NUP210L: variants seen among roughly 807,000 people sequenced by gnomAD.
NUP210L encodes nuclear pore membrane glycoprotein 210-like.
Under a neutral mutation model 208.5 loss-of-function variants are expected in NUP210L, and 74 were observed. That is an observed-to-expected ratio of 0.35 (90% CI 0.29 to 0.43). The LOEUF (loss-of-function observed/expected upper bound fraction) is 0.43. Among genes scored for constraint, NUP210L ranks in the 20% least tolerant of loss-of-function variants. NUP210L has a pLI of 1.00. For missense variants in NUP210L, 1,843 were observed against 2,289.4 expected, an observed-to-expected ratio of 0.81 and a Z score of 3.98; for synonymous variants, 780 against 816.9, an observed-to-expected ratio of 0.95 and a Z score of 0.77.
At chr1:154,118,107 C>T (rs1285244527) in intron 11 of NUP210L, among the ~76,000 whole-genome samples, 1 of 152,036 alleles carries the variant, frequency 6.6e-6, no homozygotes, top group East Asian at 1.9e-4. Flanking sequence ...GTCAGAAGTT[C>T]GAGACCAGCC....
At position 154,104,002 on chromosome 1, in the gene NUP210L, C is replaced by T. The variant is rs113643272; in HGVS notation, c.1819+10G>A. 1.5e-4 allele frequency: 236 copies of T among 1,595,622 alleles called. No individual in the cohort carries two copies. The African/African-American group carries it at 2.3e-3, about 16-fold the overall frequency. On this transcript the variant is annotated intron_variant, in intron 13 of 39. Transcript: ENST00000368559. Reference sequence around the variant, plus strand: ...ACAAAGGAAGGAGAAGATAAAAAGGCTACTTTTACCTTCTTTGAGAAGAGT... The same window carrying T: ...ACAAAGGAAGGAGAAGATAAAAAGGTTACTTTTACCTTCTTTGAGAAGAGT...
chr1:153,995,271 A>G (rs967118848), intron 37 of NUP210L, 91 bp from the exon 38 acceptor site: 9 of 891,192 alleles, frequency 1.0e-5, no homozygotes, highest in Non-Finnish European at 1.4e-5. Context: ...TTTGAGACAG[A>G]GTTTTACTCT....
intron 16 of NUP210L, among the ~76,000 whole-genome samples, chr1:154,088,410 G>A (rs1655735585): frequency 6.6e-6 from 1 of 151,746 alleles, no homozygotes; most frequent in South Asian, 2.1e-4. Context: ...CTCTCAAATA[G>A]TTCAGGGAAA....
chr1:154,110,246 AG>A (rs1218294513), intron 12 of NUP210L, among the ~76,000 whole-genome samples: 1 of 149,912 alleles, frequency 6.7e-6, no homozygotes, highest in Non-Finnish European at 1.5e-5. Flanking sequence ...AAAAAAAAAA[AG>A]GTAGAAAAAC....
intron 5 of NUP210L, among the ~76,000 whole-genome samples, chr1:154,138,866 A>C (rs1658691322): frequency 6.6e-6 from 1 of 152,262 alleles, no homozygotes; most frequent in Admixed American, 6.5e-5. Context: ...CAAGCTGCTA[A>C]TATATACTAT....
intron 2 of NUP210L, among the ~76,000 whole-genome samples, chr1:154,149,782 G>A (rs1659296048): frequency 6.6e-6 from 1 of 152,136 alleles, no homozygotes; most frequent in South Asian, 2.1e-4. Context: ...ATGATTAGGA[G>A]AAATATCAAA....
chr1:154,154,624 T>C (rs4400599), intron 1 of NUP210L, among the ~76,000 whole-genome samples: 95,733 of 151,882 alleles, frequency 0.63, 31,553 homozygotes, highest in East Asian at 0.89. Context: ...TCTGGAAGAT[T>C]GTCACACAGC....
At chr1:154,034,152 T>C (rs1356920988) in intron 27 of NUP210L, among the ~76,000 whole-genome samples, 1 of 152,166 alleles carries the variant, frequency 6.6e-6, no homozygotes, top group Non-Finnish European at 1.5e-5. Context: ...CTTTTTTTGA[T>C]AGGTCTTTGC....
At chr1:154,108,277 C>A (rs1291895468) in intron 12 of NUP210L, among the ~76,000 whole-genome samples, 1 of 152,152 alleles carries the variant, frequency 6.6e-6, no homozygotes, top group Non-Finnish European at 1.5e-5. Context: ...CCTGCCTCAG[C>A]CTCATGAGTA....
exon 17 of NUP210L, chr1:154,070,331 A>G (rs762336742): frequency 2.5e-6 from 4 of 1,613,070 alleles, no homozygotes; most frequent in Non-Finnish European, 3.4e-6. Flanking sequence ...CTGATTTATA[A>G]TCTTCGAAAT....
At chr1:154,136,069 A>G in intron 6 of NUP210L, 97 bp from the exon 7 acceptor site, 1 of 837,820 alleles carries the variant, frequency 1.2e-6, no homozygotes, top group Non-Finnish European at 1.9e-6. Flanking sequence ...GGAAGCAGAC[A>G]TAAAATAAGA....
intron 25 of NUP210L, among the ~76,000 whole-genome samples, chr1:154,052,426 C>A (rs1423629502): frequency 6.6e-6 from 1 of 152,116 alleles, no homozygotes; most frequent in African/African-American, 2.4e-5. Flanking sequence ...AACACAGCCA[C>A]CTACCCGGGG....
Position 154,135,865 on chromosome 1 carries a change from T to C in NUP210L, c.958A>G (p.Met320Val), listed in dbSNP as rs1243881350. 3.1e-6 allele frequency: 5 copies of C among 1,613,958 alleles called. No homozygotes were observed. The highest frequency in any genetic ancestry group is 4.5e-5 in the East Asian group (2 of 44,890). Residue 320 changes from methionine (M) to valine (V), a missense_variant, in exon 7 of 40, where the codon ATG becomes GTG. Met to Val is a conservative substitution (Grantham distance 21, BLOSUM62 1). Transcript: ENST00000368559. ...TGGCCCAGTTGTGAGGCAGTCACCA[T>C]GGCTGTTTTGTCATCCAGTATAGCC...
exon 12 of NUP210L, chr1:154,117,861 T>A: frequency 6.2e-7 from 1 of 1,611,940 alleles, no homozygotes; most frequent in Non-Finnish European, 8.5e-7. Flanking sequence ...CCAGGTAAAG[T>A]TGCCACTGCC....
intron 16 of NUP210L, among the ~76,000 whole-genome samples, chr1:154,071,590 T>C (rs1279048117): frequency 6.7e-6 from 1 of 149,150 alleles, no homozygotes; most frequent in Non-Finnish European, 1.5e-5. Context: ...TAGTCTCCAA[T>C]CCCATCCAGG....
At chr1:154,022,907 G>T (rs923696835) in intron 31 of NUP210L, among the ~76,000 whole-genome samples, 18 of 151,774 alleles carry the variant, frequency 1.2e-4, no homozygotes, top group African/African-American at 4.3e-4. Flanking sequence ...GAACTCCTGG[G>T]CCCAAGTGAT....
chr1:154,022,112 G>A lies in NUP210L; in HGVS notation c.4516+14C>T, dbSNP rs746646322. The A allele has an allele frequency of 3.2e-6, 5 of 1,586,528 alleles. No individual in the cohort carries two copies. The South Asian group carries it at 4.4e-5, about 14-fold the overall frequency. ...CTATCAATTGTAAGTTTGAGAAAGG[G>A]AATGTATACATACCATGCTGGCTGA... On this transcript the variant is annotated intron_variant, in intron 32 of 39. Transcript: ENST00000368559.
intron 27 of NUP210L, among the ~76,000 whole-genome samples, chr1:154,039,361 C>T (rs1652734520): frequency 1.3e-5 from 2 of 151,552 alleles, no homozygotes; most frequent in African/African-American, 4.8e-5. Flanking sequence ...AGCCTCCTGA[C>T]TAGCTGGGAT....
At chr1:154,009,050 C>T (rs1650743231) in intron 35 of NUP210L, among the ~76,000 whole-genome samples, 1 of 151,946 alleles carries the variant, frequency 6.6e-6, no homozygotes, top group African/African-American at 2.4e-5. Flanking sequence ...GTTGGGATTA[C>T]AGGTGCCTCC....
Sources: gnomAD v4.1 joint callset for allele counts (sites outside exome capture counted in the v4.1 genomes callset) on GRCh38, gnomAD v4.1.1 for gene constraint, MANE v1.5 for transcripts, NCBI Gene and HGNC (gene_info 2026-07-23, HGNC 2026-07-21) for gene names.